Variants in ZFPM2 observed in about 807,000 individuals in gnomAD.
ZFPM2 encodes zinc finger protein ZFPM2.
In ZFPM2, 20 loss-of-function variants were observed where a neutral mutation model predicts 98.6. The ratio of observed to expected loss-of-function variants is 0.20; its 90% CI spans 0.14 to 0.29. The LOEUF (loss-of-function observed/expected upper bound fraction) is 0.29, where lower values mean the gene tolerates loss of function less well. ZFPM2 is among the 10% of genes least tolerant of loss of function. The pLI, the probability that ZFPM2 is intolerant of heterozygous loss-of-function variation, is 1.00. For synonymous variants in ZFPM2, 518 were observed against 502.7 expected, an observed-to-expected ratio of 1.03 and a Z score of -0.41; for missense variants, 1,310 against 1,388.6, an observed-to-expected ratio of 0.94 and a Z score of 0.90.
chr8:105,762,584 G>A (rs1812756351), intron 5 of ZFPM2, among the ~76,000 whole-genome samples: 2 of 151,944 alleles, frequency 1.3e-5, no homozygotes. Context: ...ACCAGTATGT[G>A]CATCAAGTTT....
intron 5 of ZFPM2, among the ~76,000 whole-genome samples, chr8:105,761,210 G>C (rs1181910563): frequency 6.7e-6 from 1 of 149,754 alleles, no homozygotes; most frequent in Non-Finnish European, 1.5e-5. Context: ...TAAGGGACCA[G>C]TGTCGCAGGA....
intron 3 of ZFPM2, among the ~76,000 whole-genome samples, chr8:105,508,239 A>G (rs989517584): frequency 3.3e-5 from 5 of 152,182 alleles, no homozygotes; most frequent in African/African-American, 1.2e-4. Context: ...CTAGAGTACC[A>G]GTCCAACCAG....
intron 2 of ZFPM2, among the ~76,000 whole-genome samples, chr8:105,426,881 C>T (rs10109757): frequency 0.019 from 2,898 of 152,216 alleles, 52 homozygotes; most frequent in Middle Eastern, 0.034. Context: ...TGTTTGAACA[C>T]GGGAAGAGGA....
At chr8:105,701,520 G>T (rs551001096) in intron 5 of ZFPM2, among the ~76,000 whole-genome samples, 1 of 152,174 alleles carries the variant, frequency 6.6e-6, no homozygotes, top group African/African-American at 2.4e-5. Flanking sequence ...ATGAAAATGT[G>T]TCTTTAAATC....
chr8:105,453,705 C>T (rs563034794), intron 3 of ZFPM2, among the ~76,000 whole-genome samples: 303 of 151,868 alleles, frequency 2.0e-3, no homozygotes, highest in Non-Finnish European at 2.8e-3. Context: ...GCAGTGGCCC[C>T]ATCTCAGCTC....
At chr8:105,599,565 A>G (rs999983047) in intron 4 of ZFPM2, among the ~76,000 whole-genome samples, 1 of 152,044 alleles carries the variant, frequency 6.6e-6, no homozygotes, top group East Asian at 1.9e-4. Context: ...TCAGAGGATC[A>G]GAGTATCAAG....
rs759676967 is a variant in ZFPM2, at chr8:105,803,290, G to T, written c.3208G>T (p.Glu1070Ter). Residue 1070 changes from glutamate to a stop codon, truncating the protein, a stop_gained, in exon 8 of 8, where the codon GAA (glutamate) becomes TAA (stop). Coordinates refer to ENST00000407775, the MANE Select transcript of ZFPM2 (RefSeq NM_012082.4). LOFTEE classifies it high-confidence loss of function. Reference sequence around the variant, plus strand: ...GAACATTTCCCAGAATCCTCAGCACGAAGACGACCACAAATCTCCCTCGTG... The same window carrying T: ...GAACATTTCCCAGAATCCTCAGCACTAAGACGACCACAAATCTCCCTCGTG... The part of the protein sequence containing the change: ...QENISQNPQH[E>*]DDHKSPSWIS... The T allele has an allele frequency of 6.3e-7, 1 of 1,594,650 alleles. No individual in the cohort carries two copies. The highest frequency in any genetic ancestry group is 8.5e-7 in the Non-Finnish European group (1 of 1,170,092).
intron 4 of ZFPM2, among the ~76,000 whole-genome samples, chr8:105,619,973 A>G (rs1816501086): frequency 6.6e-6 from 1 of 152,156 alleles, no homozygotes; most frequent in Admixed American, 6.5e-5. Flanking sequence ...GGTCTTGTGA[A>G]TAGTGCTGCA....
chr8:105,757,313 A>G (rs1812625989), intron 5 of ZFPM2, among the ~76,000 whole-genome samples: 2 of 152,160 alleles, frequency 1.3e-5, no homozygotes, highest in African/African-American at 4.8e-5. Context: ...TAATGACCAA[A>G]ATGCATATGC....
rs1586280326 is a variant in ZFPM2, at chr8:105,798,424, T to C, written c.740-300T>C. On this transcript the variant is annotated intron_variant, in intron 6 of 7. Coordinates refer to ENST00000407775, the MANE Select transcript of ZFPM2 (RefSeq NM_012082.4). ...GAGATCGCACCACTGCACTGCAGCC[T>C]AGGTAACACAGTGAGAATCTGTCGC... is the stretch of plus-strand genomic sequence containing the variant. The C allele has an allele frequency of 1.7e-5, 4 of 237,348 alleles. No homozygotes were observed. In the East Asian group the frequency reaches 3.6e-4, roughly 21 times the overall value. 14.7% of individuals were successfully genotyped at this position (237,348 alleles called of 1,614,324 possible).
intron 1 of ZFPM2, among the ~76,000 whole-genome samples, chr8:105,397,468 G>T (rs1811245950): frequency 1.3e-5 from 2 of 152,022 alleles, no homozygotes; most frequent in Admixed American, 1.3e-4. Flanking sequence ...GTTTTTCAGT[G>T]TATTTGTTCA....
chr8:105,570,180 C>A (rs1228209009), intron 4 of ZFPM2, among the ~76,000 whole-genome samples: 1 of 152,146 alleles, frequency 6.6e-6, no homozygotes, highest in Non-Finnish European at 1.5e-5. Flanking sequence ...TTAATGGAAA[C>A]TGAGTGGACA....
intron 3 of ZFPM2, among the ~76,000 whole-genome samples, chr8:105,545,536 T>C (rs1359189610): frequency 2.6e-5 from 4 of 152,186 alleles, no homozygotes; most frequent in Admixed American, 2.0e-4. Flanking sequence ...ATATAAGGAC[T>C]ATATTCTCAA....
chr8:105,753,024 GT>G (rs1812513332), intron 5 of ZFPM2, among the ~76,000 whole-genome samples: 1 of 152,010 alleles, frequency 6.6e-6, no homozygotes, highest in South Asian at 2.1e-4. Context: ...ATTTCTGAGT[GT>G]GTTGGAACTA....
At chr8:105,673,604 C>G (rs191774788) in intron 5 of ZFPM2, among the ~76,000 whole-genome samples, 1 of 152,106 alleles carries the variant, frequency 6.6e-6, no homozygotes, top group Non-Finnish European at 1.5e-5. Flanking sequence ...TCATAAAGAT[C>G]TCTGCCCTCC....
chr8:105,583,661 G>A (rs1045147654), intron 4 of ZFPM2, among the ~76,000 whole-genome samples: 3 of 152,152 alleles, frequency 2.0e-5, no homozygotes, highest in Admixed American at 2.0e-4. Context: ...AAGGGGGCTA[G>A]AGGTGCCAAT....
At chr8:105,785,902 C>T (rs368442808) in intron 5 of ZFPM2, among the ~76,000 whole-genome samples, 1 of 151,834 alleles carries the variant, frequency 6.6e-6, no homozygotes, top group African/African-American at 2.4e-5. Context: ...ATTAGCTGCG[C>T]GTGGTGGCAG....
intron 1 of ZFPM2, among the ~76,000 whole-genome samples, chr8:105,379,479 C>A (rs1563630070): frequency 6.6e-6 from 1 of 152,158 alleles, no homozygotes; most frequent in Non-Finnish European, 1.5e-5. Context: ...TTGGTCCGGG[C>A]ACGGTGGCTC....
At chr8:105,403,187 A>G (rs1006714391) in intron 1 of ZFPM2, among the ~76,000 whole-genome samples, 10 of 152,036 alleles carry the variant, frequency 6.6e-5, no homozygotes, top group African/African-American at 1.9e-4. Context: ...CTGGAAATTC[A>G]TAATTATGTG....
Sources: gnomAD v4.1 joint callset for allele counts (sites outside exome capture counted in the v4.1 genomes callset) on GRCh38, gnomAD v4.1.1 for gene constraint, MANE v1.5 for transcripts, NCBI Gene and HGNC (gene_info 2026-07-23, HGNC 2026-07-21) for gene names.